Variants in DACH2 observed in about 807,000 individuals in gnomAD.
DACH2 encodes dachshund family transcription factor 2.
In DACH2, 17 loss-of-function variants were observed where a neutral mutation model predicts 35.8. The observed-to-expected ratio is 0.48, with a 90% CI of 0.33 to 0.71. The LOEUF is 0.71. DACH2 is among the 30% of genes least tolerant of loss of function. The pLI is 0.02. For missense variants in DACH2, 469 were observed against 472.7 expected (o/e 0.99, Z 0.07); for synonymous variants, 195 against 177.3 (o/e 1.10, Z -0.79).
intron 2 of DACH2, among the ~76,000 whole-genome samples, chrX:86,419,588 G>A (rs1190250023): frequency 8.9e-6 from 1 of 111,865 alleles, no homozygotes; most frequent in African/African-American, 3.3e-5. Context: ...ATGACATGTG[G>A]GAATTGTGGG....
At chrX:86,214,024 T>C (rs1047627298) in intron 1 of DACH2, among the ~76,000 whole-genome samples, 1 of 111,288 alleles carries the variant, frequency 9.0e-6, no homozygotes, top group African/African-American at 3.3e-5. Flanking sequence ...ATTTACCTAA[T>C]GTAACCCAAA....
chrX:86,555,775 A>G (rs1159953176), intron 3 of DACH2, among the ~76,000 whole-genome samples: 1 of 111,702 alleles, frequency 9.0e-6, no homozygotes, highest in Non-Finnish European at 1.9e-5. Context: ...GCATTTAAAA[A>G]AATGTAACAT....
intron 1 of DACH2, among the ~76,000 whole-genome samples, chrX:86,170,206 G>C (rs768088799): frequency 1.0e-5 from 1 of 99,693 alleles, no homozygotes; most frequent in African/African-American, 5.1e-5. Flanking sequence ...CTCTCTCTCT[G>C]TCTGTTCTGA....
At chrX:86,556,890 T>C (rs1279918448) in intron 3 of DACH2, among the ~76,000 whole-genome samples, 1 of 103,335 alleles carries the variant, frequency 9.7e-6, no homozygotes, top group African/African-American at 3.5e-5. Flanking sequence ...AGTCTTGCGA[T>C]ATGCTGTCTG....
At chrX:86,480,134 G>A (rs776561258) in intron 2 of DACH2, among the ~76,000 whole-genome samples, 1 of 112,162 alleles carries the variant, frequency 8.9e-6, no homozygotes, top group East Asian at 2.8e-4. Flanking sequence ...GGTTTTTCAT[G>A]TATTCAAAAG....
intron 1 of DACH2, among the ~76,000 whole-genome samples, chrX:86,249,153 T>C (rs1384332509): frequency 9.0e-6 from 1 of 111,430 alleles, no homozygotes; most frequent in African/African-American, 3.3e-5. Flanking sequence ...TGGCAGAGTT[T>C]TCATGACAAA....
chrX:86,614,309 G>A (rs2039980540), intron 3 of DACH2, among the ~76,000 whole-genome samples: 1 of 111,295 alleles, frequency 9.0e-6, no homozygotes, highest in Non-Finnish European at 1.9e-5. Flanking sequence ...TGTTAATGGG[G>A]AGTAGAATTT....
chrX:86,538,827 G>A (rs776382540), intron 3 of DACH2, among the ~76,000 whole-genome samples: 2 of 111,614 alleles, frequency 1.8e-5, no homozygotes, highest in Non-Finnish European at 3.8e-5. Flanking sequence ...GTTGCAGAGA[G>A]TGTCCCAATA....
chrX:86,261,240 A>T (rs995135822), intron 1 of DACH2, among the ~76,000 whole-genome samples: 1 of 112,279 alleles, frequency 8.9e-6, no homozygotes, highest in Admixed American at 9.5e-5. Flanking sequence ...GCAGTTTCTT[A>T]TAATTTTACT....
chrX:86,334,348 T>C (rs1159554108), intron 1 of DACH2, among the ~76,000 whole-genome samples: 1 of 112,300 alleles, frequency 8.9e-6, no homozygotes, highest in Non-Finnish European at 1.9e-5. Context: ...TCTTCCATGA[T>C]GGTTGAACTA....
At chrX:86,827,803 C>T (rs1187631531) in intron 11 of DACH2, 1 of 1,161,308 alleles carries the variant, frequency 8.6e-7, no homozygotes, top group African/African-American at 1.8e-5. Flanking sequence ...TGATCATAGG[C>T]ACGAATAGGG....
intron 2 of DACH2, among the ~76,000 whole-genome samples, chrX:86,401,311 G>A (rs753706956): frequency 1.8e-5 from 2 of 112,134 alleles, no homozygotes; most frequent in Non-Finnish European, 3.8e-5. Context: ...GGAATTCCAC[G>A]ACCCCTTGCA....
intron 7 of DACH2, among the ~76,000 whole-genome samples, chrX:86,752,983 G>A (rs1455237996): frequency 9.1e-6 from 1 of 110,441 alleles, no homozygotes; most frequent in Non-Finnish European, 1.9e-5. Context: ...TATTATTTGA[G>A]CTCTCATATT....
chrX:86,722,104 T>A (rs1274302616), intron 6 of DACH2, among the ~76,000 whole-genome samples: 1 of 111,960 alleles, frequency 8.9e-6, no homozygotes, highest in East Asian at 2.8e-4. Context: ...ATAGGCATCT[T>A]TGTCTTGTTC....
chrX:86,639,707 C>A (rs1434923292), intron 3 of DACH2, among the ~76,000 whole-genome samples: 1 of 111,524 alleles, frequency 9.0e-6, no homozygotes, highest in African/African-American at 3.3e-5. Flanking sequence ...TAAGAAGGAG[C>A]TCCTTGGTGG....
At chrX:86,781,284 G>T (rs1419689429) in intron 7 of DACH2, among the ~76,000 whole-genome samples, 1 of 111,336 alleles carries the variant, frequency 9.0e-6, no homozygotes, top group Non-Finnish European at 1.9e-5. Context: ...TCCTTCTGAA[G>T]CCGGGAGATA....
chrX:86,214,710 T>G (rs1050411156), intron 1 of DACH2, among the ~76,000 whole-genome samples: 2 of 111,770 alleles, frequency 1.8e-5, no homozygotes, highest in Non-Finnish European at 1.9e-5. Flanking sequence ...CTGTGTAAGA[T>G]TCAAAATAAA....
At chrX:86,358,431 C>CCACACACACACACA (rs752012562) in intron 1 of DACH2, among the ~76,000 whole-genome samples, 1 of 87,532 alleles carries the variant, frequency 1.1e-5, no homozygotes, top group Non-Finnish European at 2.3e-5. Context: ...CCCAGCCCCG[C>CCACACACACACACA]CACACACACA....
intron 2 of DACH2, among the ~76,000 whole-genome samples, chrX:86,489,957 T>C (rs760773750): frequency 2.7e-5 from 3 of 111,955 alleles, no homozygotes; most frequent in Non-Finnish European, 5.7e-5. Context: ...AATAGCGTCT[T>C]TGGACAAGGA....
Sources: gnomAD v4.1 joint callset for allele counts (sites outside exome capture counted in the v4.1 genomes callset) on GRCh38, gnomAD v4.1.1 for gene constraint, MANE v1.5 for transcripts, NCBI Gene and HGNC (gene_info 2026-07-23, HGNC 2026-07-21) for gene names.